Variants in ZEB1 observed in about 807,000 individuals in gnomAD.
ZEB1 encodes zinc finger E-box binding homeobox 1.
Under a neutral mutation model 84.9 loss-of-function variants are expected in ZEB1, and 21 were observed. That is an observed-to-expected ratio of 0.25 (90% CI 0.18 to 0.36). The LOEUF is 0.36. Ranked by LOEUF, ZEB1 falls within the 10% of genes least tolerant of loss-of-function variation. The pLI, the probability that ZEB1 is intolerant of heterozygous loss-of-function variation, is 1.00. For missense variants in ZEB1, 1,104 were observed against 1,330.2 expected (o/e 0.83, Z 2.65); for synonymous variants, 420 against 471.1 (o/e 0.89, Z 1.41).
chr10:31,526,445 C>T (rs2073455492), intron 8 of ZEB1, among the ~76,000 whole-genome samples: 2 of 152,096 alleles, frequency 1.3e-5, no homozygotes, highest in African/African-American at 4.8e-5. Context: ...CATGTAGCTC[C>T]CATTGACCTA....
At chr10:31,325,605 T>C (rs2035295986) in intron 1 of ZEB1, among the ~76,000 whole-genome samples, 2 of 152,078 alleles carry the variant, frequency 1.3e-5, no homozygotes, top group South Asian at 2.1e-4. Context: ...ACATCTGTGC[T>C]GAAATTATTC....
In ZEB1 at chr10:31,319,271, G is replaced by A; in HGVS notation, c.37G>A (p.Ala13Thr). ...CCCCAGGTGTAAGCGCAGAAAGCAG[G>A]CGAACCCGCGGCGCAATAACGGTGA... is the stretch of plus-strand genomic sequence containing the variant. ...DGPRCKRRKQ[A>T]NPRRNNVTNY... The change falls in exon 1 of 9, where the codon GCG becomes ACG. Residue 13 changes from alanine (A) to threonine (T), a missense_variant. Transcript: ENST00000424869. The A allele has an allele frequency of 1.2e-6, 2 of 1,610,156 alleles. No homozygotes were observed. Among genetic ancestry groups the A allele is most frequent in the Non-Finnish European group, 1.7e-6 (2 of 1,178,718 alleles).
rs965420962 is a variant in ZEB1, at chr10:31,421,941, C to T, written c.59-39096C>T. 9.2e-5 allele frequency among the ~76,000 whole-genome samples: 14 copies of T among 152,042 alleles called. 1 individual carries two copies. The East Asian group carries it at 1.5e-3, about 17-fold the overall frequency. On this transcript the variant is annotated intron_variant, in intron 1 of 8. Coordinates refer to ENST00000424869, the MANE Select transcript of ZEB1 (RefSeq NM_001174096.2). Reference sequence around the variant, plus strand: ...CAAATCACAGTATTCCCCCCCTCCCCGCTGATTTCAAGTGACCACCTCTGA... The same window carrying T: ...CAAATCACAGTATTCCCCCCCTCCCTGCTGATTTCAAGTGACCACCTCTGA...
At chr10:31,422,502 C>G (rs780801305) in intron 1 of ZEB1, among the ~76,000 whole-genome samples, 1 of 151,966 alleles carries the variant, frequency 6.6e-6, no homozygotes, top group Non-Finnish European at 1.5e-5. Context: ...CCCCAAAGAC[C>G]CTTACCTGGT....
At chr10:31,468,367 A>G (rs1268808716) in intron 2 of ZEB1, among the ~76,000 whole-genome samples, 4 of 152,076 alleles carry the variant, frequency 2.6e-5, no homozygotes, top group African/African-American at 9.7e-5. Flanking sequence ...AGCATCACCT[A>G]CTGGCCAGGA....
chr10:31,503,664 G>A (rs1044408288), intron 4 of ZEB1, among the ~76,000 whole-genome samples: 1 of 151,730 alleles, frequency 6.6e-6, no homozygotes, highest in Non-Finnish European at 1.5e-5. Flanking sequence ...CACAGTGGCT[G>A]TCCTAATTTT....
intron 1 of ZEB1, among the ~76,000 whole-genome samples, chr10:31,398,271 T>C (rs1034732035): frequency 6.6e-6 from 1 of 152,212 alleles, no homozygotes; most frequent in African/African-American, 2.4e-5. Flanking sequence ...CATTGGTTTA[T>C]TCAACATTTA....
chr10:31,382,930 A>G (rs2134928649), intron 1 of ZEB1, among the ~76,000 whole-genome samples: 1 of 152,222 alleles, frequency 6.6e-6, no homozygotes, highest in South Asian at 2.1e-4. Flanking sequence ...TTTTCATTGT[A>G]TTAAAGGACA....
At chr10:31,400,779 T>C (rs1196101736) in intron 1 of ZEB1, among the ~76,000 whole-genome samples, 2 of 152,298 alleles carry the variant, frequency 1.3e-5, no homozygotes, top group Non-Finnish European at 2.9e-5. Flanking sequence ...CCTACCAACA[T>C]AGCTTTTGTT....
At chr10:31,318,989 T>G, upstream of ZEB1, 1 of 541,950 alleles carries the variant, frequency 1.8e-6, no homozygotes, top group Non-Finnish European at 3.4e-6. Flanking sequence ...GAGGAAAACT[T>G]TTCCCTCGCC....
At chr10:31,377,831 T>A (rs2046932671) in intron 1 of ZEB1, among the ~76,000 whole-genome samples, 1 of 151,758 alleles carries the variant, frequency 6.6e-6, no homozygotes, top group Admixed American at 6.6e-5. Flanking sequence ...ACCTTTGAAT[T>A]AACTTTTTAT....
At chr10:31,497,728 G>A (rs2067451535) in intron 3 of ZEB1, among the ~76,000 whole-genome samples, 1 of 152,052 alleles carries the variant, frequency 6.6e-6, no homozygotes, top group Non-Finnish European at 1.5e-5. Flanking sequence ...TTTTATAGCA[G>A]ACTTCCTTCT....
At chr10:31,513,803 A>C (rs368840877) in intron 5 of ZEB1, among the ~76,000 whole-genome samples, 1 of 152,170 alleles carries the variant, frequency 6.6e-6, no homozygotes, top group East Asian at 1.9e-4. Flanking sequence ...ACTGAGGCAT[A>C]GACTTGTCAT....
chr10:31,363,566 C>T (rs1183720466), intron 1 of ZEB1: 5 of 1,527,514 alleles, frequency 3.3e-6, no homozygotes, highest in East Asian at 2.4e-5. Context: ...TGGTCTTTCA[C>T]CTCTGTTGCT....
chr10:31,469,560 C>G (rs1458669966), intron 2 of ZEB1, among the ~76,000 whole-genome samples: 4 of 152,222 alleles, frequency 2.6e-5, no homozygotes. Flanking sequence ...TCAGAGGGTC[C>G]TACGCCCACG....
At chr10:31,358,255 A>G (rs1018337175) in intron 1 of ZEB1, 1 of 152,214 alleles carries the variant, frequency 6.6e-6, no homozygotes, top group African/African-American at 2.4e-5. Context: ...GGCTCTCAGC[A>G]TGGTCCACCA....
intron 6 of ZEB1, among the ~76,000 whole-genome samples, chr10:31,515,191 A>G (rs569100514): frequency 1.3e-5 from 2 of 152,182 alleles, no homozygotes; most frequent in South Asian, 4.1e-4. Context: ...CATTAATGAG[A>G]ATCTGAAAGA....
intron 5 of ZEB1, among the ~76,000 whole-genome samples, chr10:31,514,017 A>C (rs1019469575): frequency 1.3e-5 from 2 of 152,106 alleles, no homozygotes; most frequent in Non-Finnish European, 2.9e-5. Context: ...GGAATTTGAT[A>C]AACCAGACAG....
At chr10:31,509,303 G>A (rs527738132) in intron 4 of ZEB1, among the ~76,000 whole-genome samples, 2 of 152,182 alleles carry the variant, frequency 1.3e-5, no homozygotes, top group South Asian at 4.1e-4. Flanking sequence ...GTTCTCCCAT[G>A]GCTAGGATTG....
Sources: allele counts gnomAD v4.1 joint callset (sites outside exome capture counted in the v4.1 genomes callset), GRCh38; gene constraint gnomAD v4.1.1; transcripts MANE v1.5; gene names NCBI Gene and HGNC (gene_info 2026-07-23, HGNC 2026-07-21).